Variants in ATF6 observed in about 807,000 individuals in gnomAD.
ATF6 encodes activating transcription factor 6, also known as cyclic AMP-dependent transcription factor ATF-6 alpha.
A neutral mutation model predicts 83.6 loss-of-function variants in ATF6; 53 were observed. The ratio of observed to expected loss-of-function variants is 0.63; its 90% confidence interval spans 0.51 to 0.80. The LOEUF is 0.80. Ranked by LOEUF, ATF6 falls within the 30% of genes least tolerant of loss-of-function variation. ATF6 has a pLI of 0.00. For missense variants in ATF6, 744 were observed against 797.9 expected, an observed-to-expected ratio of 0.93 and a Z score of 0.81; for synonymous variants, 288 against 285.8, an observed-to-expected ratio of 1.01 and a Z score of -0.08.
At chr1:161,879,957 A>G (rs1409948319) in intron 14 of ATF6, among the ~76,000 whole-genome samples, 1 of 152,108 alleles carries the variant, frequency 6.6e-6, no homozygotes. Context: ...GTGCTGCCAC[A>G]ATCAGGAATA....
At chr1:161,898,318 A>G (rs1324536294) in intron 14 of ATF6, among the ~76,000 whole-genome samples, 3 of 152,112 alleles carry the variant, frequency 2.0e-5, no homozygotes, top group African/African-American at 7.2e-5. Context: ...TGCTTTATAA[A>G]CCAAATAGAG....
chr1:161,821,132 ATT>A lies in ATF6; in HGVS notation c.1160_1161del (p.Phe387TyrfsTer21). 6.2e-7 allele frequency: 1 copy of A among 1,612,730 alleles called. No individual in the cohort carries two copies. Among genetic ancestry groups the A allele is most frequent in the Non-Finnish European group, 8.5e-7 (1 of 1,179,148 alleles). ...RVVCVMIVLA[F>X]IILNYGPMSM... ...TTGTCTGTGTGATGATAGTATTGGCATTTATAATACTGAACTATGGACCTATG... is the reference window on the plus strand; with the variant it reads ...TTGTCTGTGTGATGATAGTATTGGCATATAATACTGAACTATGGACCTATG... On this transcript the variant is annotated frameshift_variant, in exon 9 of 16. Transcript: ENST00000367942. LOFTEE classifies it high-confidence loss of function.
chr1:161,851,376 C>T (rs1172624551), intron 10 of ATF6, among the ~76,000 whole-genome samples: 1 of 152,096 alleles, frequency 6.6e-6, no homozygotes, highest in Non-Finnish European at 1.5e-5. Context: ...ATTTTCGCCT[C>T]AATTACCCCG....
At chr1:161,881,374 G>A (rs891589514) in intron 14 of ATF6, among the ~76,000 whole-genome samples, 4 of 152,136 alleles carry the variant, frequency 2.6e-5, no homozygotes, top group African/African-American at 9.7e-5. Context: ...GCCGAACTAA[G>A]GGTCTCAGTT....
chr1:161,782,989 T>G (rs1168435676), intron 3 of ATF6, among the ~76,000 whole-genome samples: 1 of 152,182 alleles, frequency 6.6e-6, no homozygotes, highest in African/African-American at 2.4e-5. Flanking sequence ...ATTTGGGGGC[T>G]AGAATCATCT....
intron 7 of ATF6, among the ~76,000 whole-genome samples, chr1:161,808,072 G>T (rs1386847158): frequency 1.3e-5 from 2 of 151,330 alleles, no homozygotes; most frequent in African/African-American, 4.9e-5. Context: ...TAGAGATGGG[G>T]TTTCACCAGT....
At chr1:161,776,895 G>A (rs754367599) in intron 1 of ATF6, among the ~76,000 whole-genome samples, 10 of 152,160 alleles carry the variant, frequency 6.6e-5, no homozygotes, top group South Asian at 2.1e-4. Flanking sequence ...AGATAGAAAC[G>A]TTTATGCTGA....
At chr1:161,866,528 A>G (rs905799559) in intron 14 of ATF6, among the ~76,000 whole-genome samples, 15 of 152,198 alleles carry the variant, frequency 9.9e-5, no homozygotes, top group African/African-American at 3.6e-4. Flanking sequence ...CCACCAACAT[A>G]GTAATCTATT....
At chr1:161,866,637 G>A (rs1687007204) in intron 14 of ATF6, among the ~76,000 whole-genome samples, 1 of 152,128 alleles carries the variant, frequency 6.6e-6, no homozygotes, top group Admixed American at 6.5e-5. Flanking sequence ...AGTATGATTT[G>A]GAGAGGGAGG....
rs1685524588 is a variant in ATF6 at position 161,813,470 on chromosome 1, C to CT, written c.910-6157dup. ...AGAGGACTAATGAAGTGGCTTTAAA[C>CT]TTTTTTGTACACAGTCCACAGTAAG... is the stretch of plus-strand genomic sequence containing the variant. On this transcript the variant is annotated intron_variant, in intron 7 of 15. Coordinates refer to ENST00000367942, the MANE Select transcript of ATF6 (RefSeq NM_007348.4). Among the ~76,000 whole-genome samples the CT allele has an allele frequency of 2.6e-5, 4 of 152,282 alleles. No individual in the cohort carries two copies. The South Asian group carries it at 8.3e-4, about 32-fold the overall frequency.
chr1:161,848,863 T>A (rs1686544725), intron 10 of ATF6, among the ~76,000 whole-genome samples: 2 of 152,146 alleles, frequency 1.3e-5, no homozygotes, highest in African/African-American at 4.8e-5. Flanking sequence ...GTCTCCAGAT[T>A]GTATGTTGGC....
chr1:161,877,450 G>A (rs1020293072), intron 14 of ATF6, among the ~76,000 whole-genome samples: 5 of 152,110 alleles, frequency 3.3e-5, no homozygotes, highest in Non-Finnish European at 7.4e-5. Flanking sequence ...AAGAGCATAT[G>A]AAGGCAGTTA....
chr1:161,805,276 G>T (rs919589994), intron 7 of ATF6, among the ~76,000 whole-genome samples: 1 of 151,698 alleles, frequency 6.6e-6, no homozygotes, highest in Non-Finnish European at 1.5e-5. Context: ...AATTTACAGA[G>T]CCCCCTTAAG....
intron 3 of ATF6, among the ~76,000 whole-genome samples, chr1:161,782,619 A>C (rs1293513491): frequency 1.3e-5 from 2 of 152,218 alleles, no homozygotes; most frequent in Non-Finnish European, 2.9e-5. Flanking sequence ...CGATTATAGA[A>C]AGTGGACTTA....
chr1:161,876,089 A>T (rs571355841), intron 14 of ATF6, among the ~76,000 whole-genome samples: 1 of 151,970 alleles, frequency 6.6e-6, no homozygotes, highest in African/African-American at 2.4e-5. Flanking sequence ...TTCAAGATAA[A>T]TGATGAGATT....
At chr1:161,841,506 A>G (rs1686358724) in intron 9 of ATF6, among the ~76,000 whole-genome samples, 1 of 152,216 alleles carries the variant, frequency 6.6e-6, no homozygotes, top group South Asian at 2.1e-4. Flanking sequence ...AAACGTTAAA[A>G]GATTCTTAGC....
intron 9 of ATF6, among the ~76,000 whole-genome samples, chr1:161,829,064 A>G (rs1016305938): frequency 1.3e-5 from 2 of 152,210 alleles, no homozygotes; most frequent in African/African-American, 4.8e-5. Context: ...AAGGGGATCA[A>G]TTCAACAAGA....
intron 9 of ATF6, among the ~76,000 whole-genome samples, chr1:161,833,845 C>T (rs1686139453): frequency 6.6e-6 from 1 of 152,136 alleles, no homozygotes. Context: ...GGATATTATC[C>T]AGGAGAACTT....
chr1:161,918,573 A>G (rs951369454), intron 15 of ATF6, among the ~76,000 whole-genome samples: 7 of 152,228 alleles, frequency 4.6e-5, no homozygotes, highest in Non-Finnish European at 7.4e-5. Flanking sequence ...TAAGTTATGT[A>G]GGCACAAAAA....
Sources: gnomAD v4.1 joint callset for allele counts (sites outside exome capture counted in the v4.1 genomes callset) on GRCh38, gnomAD v4.1.1 for gene constraint, MANE v1.5 for transcripts, NCBI Gene and HGNC (gene_info 2026-07-23, HGNC 2026-07-21) for gene names.